The following MATN2 variants were observed in gnomAD, a reference collection of about 807,000 sequenced individuals.
The protein encoded by MATN2 is matrilin 2.
A neutral mutation model predicts 103.2 loss-of-function variants in MATN2; 69 were observed. That is an observed-to-expected ratio of 0.67 (90% confidence interval 0.55 to 0.82). MATN2 has a LOEUF of 0.82. MATN2 is among the 40% of genes least tolerant of loss of function. MATN2 has a pLI of 0.00. For missense variants in MATN2, 1,023 were observed against 1,211.5 expected (o/e 0.84, Z 2.31); for synonymous variants, 429 against 450.2 (o/e 0.95, Z 0.60).
intron 18 of MATN2, among the ~76,000 whole-genome samples, chr8:98,034,916 T>TAAAAA (rs397970246): frequency 7.6e-6 from 1 of 130,834 alleles, no homozygotes; most frequent in African/African-American, 2.8e-5. Context: ...GAATCACAAT[T>TAAAAA]AAAAAAAAAA....
At chr8:97,946,840 A>G (rs1258762404) in intron 4 of MATN2, among the ~76,000 whole-genome samples, 1 of 152,176 alleles carries the variant, frequency 6.6e-6, no homozygotes, top group Non-Finnish European at 1.5e-5. Flanking sequence ...CCCAAGCTAC[A>G]TAAGTGATTT....
chr8:97,902,512 A>C (rs1471830587), intron 2 of MATN2, among the ~76,000 whole-genome samples: 1 of 149,470 alleles, frequency 6.7e-6, no homozygotes, highest in Non-Finnish European at 1.5e-5. Context: ...AAAAAAAAAG[A>C]ATAAAAAAAA....
intron 6 of MATN2, among the ~76,000 whole-genome samples, chr8:97,992,745 CAAAAAA>C (rs58985201): frequency 1.3e-3 from 65 of 49,576 alleles, no homozygotes; most frequent in African/African-American, 5.4e-3. Flanking sequence ...GACTCCATCT[CAAAAAA>C]AAAAAAAAAA....
Position 98,007,224 on chromosome 8 carries a change from T to A in MATN2, c.1447T>A (p.Ser483Thr), listed in dbSNP as rs1813004011. 6.2e-7 allele frequency: 1 copy of A among 1,613,746 alleles called. No individual in the cohort carries two copies. The highest frequency in any genetic ancestry group is 1.3e-5 in the African/African-American group (1 of 74,914). ...CATCAACGAGGACCTCAAGACCTGC[T>A]CCCGTGAGTCCCTCCGCGCTCCTCT... ...FLINEDLKTC[S>T]RVDYCLLSDH... Residue 483 changes from serine to threonine, a missense_variant, in exon 9 of 19, where the codon TCC (serine) becomes ACC (threonine). By Grantham distance (58) the Ser-to-Thr change is moderately conservative. Coordinates refer to ENST00000254898, the MANE Select transcript of MATN2 (RefSeq NM_002380.5). This position sits in a 1 kb window ranked among gnomAD's most constrained non-coding sequence, Gnocchi z 4.2.
At chr8:97,881,814 T>A (rs1818261622) in intron 1 of MATN2, among the ~76,000 whole-genome samples, 1 of 152,148 alleles carries the variant, frequency 6.6e-6, no homozygotes, top group Non-Finnish European at 1.5e-5. Context: ...GCCATTGCAG[T>A]TTTTAGGAAA....
chr8:98,033,238 A>C, intron 17 of MATN2, 62 bp downstream of exon 17: 1 of 1,432,670 alleles, frequency 7.0e-7, no homozygotes, highest in Non-Finnish European at 9.4e-7. Flanking sequence ...CTTGCCAACA[A>C]CCTTAGCTTT....
chr8:97,984,756 T>C (rs910851312), intron 6 of MATN2, among the ~76,000 whole-genome samples: 18 of 152,228 alleles, frequency 1.2e-4, no homozygotes, highest in Admixed American at 1.2e-3. Context: ...GTATCTACTA[T>C]GTGTCAGATA....
intron 4 of MATN2, chr8:97,952,431 C>A (rs925944751): frequency 6.6e-6 from 1 of 152,290 alleles, no homozygotes; most frequent in African/African-American, 2.4e-5. Context: ...TTGATTTAGC[C>A]CTGGATGATG....
At chr8:97,994,012 TATA>T (rs975948677) in intron 6 of MATN2, among the ~76,000 whole-genome samples, 19 of 144,342 alleles carry the variant, frequency 1.3e-4, no homozygotes, top group African/African-American at 3.1e-4. Context: ...AGAGTCCAGG[TATA>T]ATAATAATAA....
chr8:97,899,439 A>G (rs1018240273), intron 2 of MATN2, among the ~76,000 whole-genome samples: 12 of 152,310 alleles, frequency 7.9e-5, no homozygotes, highest in African/African-American at 2.9e-4. Context: ...GGGTGGTTAA[A>G]CAACAGAAAT....
At chr8:97,874,905 A>G (rs1289422490) in intron 1 of MATN2, among the ~76,000 whole-genome samples, 1 of 151,792 alleles carries the variant, frequency 6.6e-6, no homozygotes, top group African/African-American at 2.4e-5. Flanking sequence ...TTTAGTAGAG[A>G]TGGGGTTTCA....
At chr8:97,930,340 A>G (rs1475352327) in intron 2 of MATN2, among the ~76,000 whole-genome samples, 2 of 152,358 alleles carry the variant, frequency 1.3e-5, no homozygotes, top group Admixed American at 1.3e-4. Flanking sequence ...TGTGTCATGC[A>G]GTAAAGAATA....
intron 6 of MATN2, among the ~76,000 whole-genome samples, chr8:97,991,246 C>T (rs945193137): frequency 2.4e-4 from 36 of 152,044 alleles, no homozygotes; most frequent in African/African-American, 8.2e-4. Context: ...ATTTTTGTTT[C>T]GTTTTGTTTT....
chr8:98,013,447 A>G (rs1225451928), intron 10 of MATN2, among the ~76,000 whole-genome samples: 1 of 152,200 alleles, frequency 6.6e-6, no homozygotes, highest in Non-Finnish European at 1.5e-5. Context: ...ATTACCCTCA[A>G]TTTTCAGAAT....
At chr8:98,000,934 C>A (rs1422764269) in intron 7 of MATN2, among the ~76,000 whole-genome samples, 1 of 152,128 alleles carries the variant, frequency 6.6e-6, no homozygotes, top group Non-Finnish European at 1.5e-5. Context: ...TACGAGGTCA[C>A]AAAAGATGAC....
At chr8:97,929,165 A>G (rs1370808353) in intron 2 of MATN2, among the ~76,000 whole-genome samples, 1 of 152,072 alleles carries the variant, frequency 6.6e-6, no homozygotes, top group Non-Finnish European at 1.5e-5. Context: ...AAATCATTAG[A>G]CTTGTGAGGC....
chr8:97,964,414 G>A (rs1811417544), intron 5 of MATN2, among the ~76,000 whole-genome samples: 2 of 151,918 alleles, frequency 1.3e-5, no homozygotes, highest in South Asian at 2.1e-4. Flanking sequence ...AGTTAATACA[G>A]GACAATCCCA....
At chr8:97,991,476 C>T (rs1812385140) in intron 6 of MATN2, among the ~76,000 whole-genome samples, 1 of 152,164 alleles carries the variant, frequency 6.6e-6, no homozygotes, top group Non-Finnish European at 1.5e-5. Context: ...AATCCTAGCA[C>T]TTTGAGAGGC....
chr8:97,922,367 G>A (rs1418456998), intron 2 of MATN2, among the ~76,000 whole-genome samples: 1 of 152,168 alleles, frequency 6.6e-6, no homozygotes, highest in Non-Finnish European at 1.5e-5. Context: ...CTCATGTGCT[G>A]ACCCTTCACA....
Sources: gnomAD v4.1 joint callset for allele counts (sites outside exome capture counted in the v4.1 genomes callset) on GRCh38, gnomAD v4.1.1 for gene constraint, Gnocchi (gnomAD v3.1) non-coding constraint, MANE v1.5 for transcripts, NCBI Gene and HGNC (gene_info 2026-07-23, HGNC 2026-07-21) for gene names.